CUBN: variants seen among roughly 807,000 people sequenced by gnomAD.
CUBN encodes 460 kDa receptor.
In CUBN, 282 loss-of-function variants were observed where a neutral mutation model predicts 405.3. The ratio of observed to expected loss-of-function variants is 0.70; its 90% CI spans 0.63 to 0.77. The LOEUF (loss-of-function observed/expected upper bound fraction) is 0.77. Among genes scored for constraint, CUBN ranks in the 30% least tolerant of loss-of-function variants. The pLI is 0.00. For missense variants in CUBN, 4,514 were observed against 4,475.2 expected (o/e 1.01, Z -0.25); for synonymous variants, 1,684 against 1,617.0 (o/e 1.04, Z -0.99).
At chr10:16,906,022 G>C (rs1482805595) in intron 50 of CUBN, among the ~76,000 whole-genome samples, 181 bp downstream of exon 50, 1 of 152,180 alleles carries the variant, frequency 6.6e-6, no homozygotes, top group Non-Finnish European at 1.5e-5. Flanking sequence ...ACTGAGGCAA[G>C]AGGATCACCT....
intron 32 of CUBN, among the ~76,000 whole-genome samples, 173 bp from the exon 33 acceptor site, chr10:16,952,562 C>G (rs1462944648): frequency 6.6e-6 from 1 of 152,132 alleles, no homozygotes; most frequent in Non-Finnish European, 1.5e-5. Flanking sequence ...AAAACAGGAG[C>G]ACAGTTTATA....
chr10:17,050,933 C>T (rs1461630795), intron 22 of CUBN, among the ~76,000 whole-genome samples: 3 of 152,092 alleles, frequency 2.0e-5, no homozygotes, highest in African/African-American at 4.8e-5. Context: ...ATCAAACTAG[C>T]TTCAGAGGAA....
intron 40 of CUBN, among the ~76,000 whole-genome samples, chr10:16,930,267 T>C (rs1033500424): frequency 2.0e-5 from 3 of 152,234 alleles, no homozygotes; most frequent in Non-Finnish European, 4.4e-5. Context: ...GCAATTAGTA[T>C]ATACCCCTTT....
At chr10:16,919,746 T>C (rs1267553411) in intron 44 of CUBN, among the ~76,000 whole-genome samples, 1 of 152,164 alleles carries the variant, frequency 6.6e-6, no homozygotes, top group Non-Finnish European at 1.5e-5. Flanking sequence ...AGGAAGTGTC[T>C]AGGGTCACAA....
At chr10:17,001,060 G>A (rs1322818106) in intron 28 of CUBN, among the ~76,000 whole-genome samples, 8 of 152,100 alleles carry the variant, frequency 5.3e-5, no homozygotes, top group African/African-American at 1.7e-4. Flanking sequence ...CTGACTTCAG[G>A]TGTCAAGCTG....
intron 56 of CUBN, among the ~76,000 whole-genome samples, chr10:16,878,824 C>CT (rs1385753817): frequency 2.0e-5 from 3 of 152,168 alleles, no homozygotes; most frequent in African/African-American, 7.2e-5. Flanking sequence ...AATATGTGAC[C>CT]TTTTGTGGCT....
At chr10:17,093,993 C>A (rs551627272) in intron 14 of CUBN, among the ~76,000 whole-genome samples, 8 of 151,994 alleles carry the variant, frequency 5.3e-5, no homozygotes, top group Admixed American at 1.3e-4. Flanking sequence ...AGTGGCAATG[C>A]AATATTTGAA....
At position 16,825,046 on chromosome 10, in the gene CUBN, G is replaced by T; in HGVS notation, c.10801C>A (p.Gln3601Lys). Residue 3601 changes from glutamine (Q) to lysine (K), a missense_variant, in exon 67 of 67, where the codon CAG (glutamine) becomes AAG (lysine). Coordinates refer to ENST00000377833, the MANE Select transcript of CUBN (RefSeq NM_001081.4). ...SIAPFVASSNQVFIKFHADYA... is the reference protein window; with the variant it reads ...SIAPFVASSNKVFIKFHADYA... ...TCAGCATGAAATTTTATGAAGACCT[G>T]ATTTGAGGAAGCCACGAAGGGAGCT... 6.2e-7 allele frequency: 1 copy of T among 1,613,662 alleles called. No individual in the cohort carries two copies. Among genetic ancestry groups the T allele is most frequent in the African/African-American group, 1.3e-5 (1 of 74,918 alleles).
At chr10:16,895,366 TACAC>T (rs1174848799) in intron 54 of CUBN, among the ~76,000 whole-genome samples, 3 of 138,504 alleles carry the variant, frequency 2.2e-5, no homozygotes, top group African/African-American at 6.7e-5. Context: ...CACATATATA[TACAC>T]ACACACACAC....
intron 54 of CUBN, among the ~76,000 whole-genome samples, chr10:16,892,266 T>C (rs1327964363): frequency 6.6e-6 from 1 of 152,066 alleles, no homozygotes; most frequent in Non-Finnish European, 1.5e-5. Context: ...ATAAGGGAGG[T>C]GCCTGGCGCT....
intron 39 of CUBN, among the ~76,000 whole-genome samples, chr10:16,937,322 G>A (rs985801192): frequency 2.6e-5 from 4 of 152,014 alleles, no homozygotes; most frequent in African/African-American, 9.7e-5. Flanking sequence ...TTTCTAAAGT[G>A]GTCTCTAGAA....
intron 14 of CUBN, among the ~76,000 whole-genome samples, chr10:17,097,081 G>T (rs1410141186): frequency 6.6e-6 from 1 of 151,872 alleles, no homozygotes; most frequent in African/African-American, 2.4e-5. Flanking sequence ...AATAACACAA[G>T]GGAAGAAAAT....
At chr10:17,021,652 A>C (rs989725491) in intron 27 of CUBN, among the ~76,000 whole-genome samples, 11 of 152,244 alleles carry the variant, frequency 7.2e-5, no homozygotes, top group African/African-American at 2.4e-4. Flanking sequence ...CATTGAAAAA[A>C]AATGTTATGA....
intron 54 of CUBN, among the ~76,000 whole-genome samples, chr10:16,893,302 G>T (rs1841085487): frequency 6.6e-6 from 1 of 152,082 alleles, no homozygotes; most frequent in Non-Finnish European, 1.5e-5. Flanking sequence ...CTCCAATACT[G>T]ACATCTTGCA....
chr10:16,890,842 G>A (rs991360634), intron 54 of CUBN, among the ~76,000 whole-genome samples: 3 of 152,038 alleles, frequency 2.0e-5, no homozygotes, highest in African/African-American at 4.8e-5. Flanking sequence ...TGACCTAGCC[G>A]AGCTTCCCGG....
At chr10:17,035,858 G>C (rs1392661318) in intron 27 of CUBN, among the ~76,000 whole-genome samples, 1 of 151,446 alleles carries the variant, frequency 6.6e-6, no homozygotes, top group East Asian at 1.9e-4. Context: ...TGGGAGGAGG[G>C]AGAGGATCCA....
At chr10:17,107,964 C>A (rs1028042556) in intron 10 of CUBN, among the ~76,000 whole-genome samples, 9 of 151,974 alleles carry the variant, frequency 5.9e-5, no homozygotes, top group African/African-American at 2.2e-4. Flanking sequence ...AGTAAGCAAG[C>A]TCTGAAACTG....
At position 16,976,930 on chromosome 10, in the gene CUBN, A is replaced by G. The variant is rs150465589; in HGVS notation, c.4695+5554T>C. ...GTAGTTGGGTCTTCTTCATATTGCA[A>G]TGTCACTTTCTATAGTATGCAGTTC... On this transcript the variant is annotated intron_variant, in intron 31 of 66. Coordinates refer to ENST00000377833, the MANE Select transcript of CUBN (RefSeq NM_001081.4). Among the ~76,000 whole-genome samples the G allele has an allele frequency of 1.7e-3, 264 of 152,220 alleles. 6 individuals carry two copies. The East Asian group carries it at 0.04, about 23-fold the overall frequency.
chr10:16,953,312 C>T (rs893092633), intron 32 of CUBN, among the ~76,000 whole-genome samples: 2 of 152,104 alleles, frequency 1.3e-5, no homozygotes, highest in Non-Finnish European at 2.9e-5. Context: ...TTAAAATCAA[C>T]AAGAATATAG....
Sources: allele counts gnomAD v4.1 joint callset (sites outside exome capture counted in the v4.1 genomes callset), GRCh38; gene constraint gnomAD v4.1.1; transcripts MANE v1.5; gene names NCBI Gene and HGNC (gene_info 2026-07-23, HGNC 2026-07-21).